The following HDGFL2 variants were observed in gnomAD, a reference collection of about 807,000 sequenced individuals.
HDGFL2 encodes hepatoma-derived growth factor-related protein 2.
Under a neutral mutation model 77.1 loss-of-function variants are expected in HDGFL2, and 36 were observed. That is an observed-to-expected ratio of 0.47 (90% CI 0.36 to 0.62). The LOEUF (loss-of-function observed/expected upper bound fraction) is 0.62. Among genes scored for constraint, HDGFL2 ranks in the 20% least tolerant of loss-of-function variants. The pLI is 0.00. For synonymous variants in HDGFL2, 463 were observed against 413.1 expected (o/e 1.12, Z -1.46); for missense variants, 976 against 973.4 (o/e 1.00, Z -0.04).
intron 12 of HDGFL2, 81 bp from the exon 13 acceptor site, chr19:4,498,733 C>T (rs918799113): frequency 5.0e-4 from 452 of 901,184 alleles, no homozygotes; most frequent in East Asian, 9.2e-4. Context: ...CCCAGGATGT[C>T]TTCCTCCACC....
intron 9 of HDGFL2, among the ~76,000 whole-genome samples, chr19:4,495,861 A>G (rs1382274476): frequency 6.6e-6 from 1 of 152,012 alleles, no homozygotes; most frequent in Admixed American, 6.5e-5. Context: ...CCTTGTGGAG[A>G]TTCAGGCAAT....
intron 3 of HDGFL2, 129 bp from the exon 4 acceptor site, chr19:4,488,546 TA>T: frequency 2.4e-6 from 2 of 830,546 alleles, no homozygotes; most frequent in Non-Finnish European, 3.7e-6. Context: ...TCCCCATTTG[TA>T]AAGCCAGGAG....
Position 4,480,969 on chromosome 19 carries a change from G to A in HDGFL2, c.288+5386G>A, listed in dbSNP as rs1975197811. Among the ~76,000 whole-genome samples the A allele has an allele frequency of 2.0e-5, 3 of 150,158 alleles. No homozygotes were observed. In the South Asian group the frequency reaches 6.3e-4, roughly 31 times the overall value. ...CCTCCCGGGTTCAAGCTATTCTCCTGCTTTGGCCTCCCTAGTAGGTGGGAT... is the reference window on the plus strand; with the variant it reads ...CCTCCCGGGTTCAAGCTATTCTCCTACTTTGGCCTCCCTAGTAGGTGGGAT... On this transcript the variant is annotated intron_variant, in intron 3 of 15. Coordinates refer to ENST00000616600, the MANE Select transcript of HDGFL2 (RefSeq NM_001001520.3).
intron 3 of HDGFL2, among the ~76,000 whole-genome samples, chr19:4,479,367 A>AGG (rs1277156324): frequency 6.6e-6 from 1 of 150,862 alleles, no homozygotes; most frequent in Non-Finnish European, 1.5e-5. Context: ...GCAGATCACA[A>AGG]GGTCAGGTGA....
Position 4,501,908 on chromosome 19 carries a change from C to A in HDGFL2, c.1917-3C>A. The A allele has an allele frequency of 6.9e-7, 1 of 1,451,500 alleles. No homozygotes were observed. Among genetic ancestry groups the A allele is most frequent in the South Asian group, 1.5e-5 (1 of 68,476 alleles). 89.9% of individuals were successfully genotyped at this position (1,451,500 alleles called of 1,614,324 possible). A position where few individuals can be genotyped will look rare whatever the true frequency, so the allele number is the denominator to read the frequency against. ...CTCACACCGCCTTTGCTGTTCCCAC[C>A]AGCAGCGTACGGGAGGGTCCCGACC... On this transcript the variant is annotated splice_polypyrimidine_tract_variant and splice_region_variant and intron_variant, in intron 15 of 15. Coordinates refer to ENST00000616600, the MANE Select transcript of HDGFL2 (RefSeq NM_001001520.3).
chr19:4,472,545 T>A, intron 1 of HDGFL2, 123 bp downstream of exon 1: 1 of 376,036 alleles, frequency 2.7e-6, no homozygotes, highest in Non-Finnish European at 4.0e-6. Context: ...GCCCCGGGGG[T>A]CTGGGGTTCA....
In HDGFL2 at chr19:4,501,943, C is replaced by T; in HGVS notation, c.1949C>T (p.Pro650Leu). The T allele has an allele frequency of 8.7e-6, 13 of 1,498,508 alleles. No individual in the cohort carries two copies. The highest frequency in any genetic ancestry group is 5.7e-5 in the African/African-American group (4 of 70,332). 92.8% of individuals were successfully genotyped at this position (1,498,508 alleles called of 1,614,324 possible). A position where few individuals can be genotyped will look rare whatever the true frequency, so the allele number is the denominator to read the frequency against. Reference protein sequence around the residue: ...SVREGPDLDRPGSDRQERERA... With the variant: ...SVREGPDLDRLGSDRQERERA... The stretch of plus-strand genomic sequence containing the variant: ...CGGGAGGGTCCCGACCTGGACAGGC[C>T]TGGGAGCGACCGGCAGGAGCGCGAG... The change falls in exon 16 of 16, where the codon CCT (proline) becomes CTT (leucine). Residue 650 changes from proline to leucine, a missense_variant. Pro to Leu is a moderately conservative substitution (Grantham distance 98, BLOSUM62 -3). Coordinates refer to ENST00000616600, the MANE Select transcript of HDGFL2 (RefSeq NM_001001520.3).
intron 6 of HDGFL2, among the ~76,000 whole-genome samples, chr19:4,493,268 GGT>G (rs1230301857): frequency 6.9e-6 from 1 of 145,574 alleles, no homozygotes; most frequent in Non-Finnish European, 1.5e-5. Flanking sequence ...GTGTGTGTGT[GGT>G]GTGTGTGTTG....
rs759388769 is a variant in HDGFL2 at position 4,499,676 on chromosome 19, G to A, written c.1761G>A (p.Gln587=). ...AGCTGGCCGGGGAGGAGGCCCCCCAGGAGAAGGCGGAGGACAAGCCCAGCA... is the reference window on the plus strand; with the variant it reads ...AGCTGGCCGGGGAGGAGGCCCCCCAAGAGAAGGCGGAGGACAAGCCCAGCA... ...GEELAGEEAP[Q]EKAEDKPSTD... is the part of the protein sequence containing the mutation. Residue 587 remains glutamine, a synonymous_variant, in exon 14 of 16, where the codon CAG becomes CAA. Transcript: ENST00000616600. 1 of 1,573,688 alleles carries A rather than the reference G, an allele frequency of 6.4e-7. No homozygotes were observed. The highest frequency in any genetic ancestry group is 1.3e-5 in the African/African-American group (1 of 74,400).
At chr19:4,473,584 G>A (rs1974998708) in intron 1 of HDGFL2, among the ~76,000 whole-genome samples, 1 of 151,670 alleles carries the variant, frequency 6.6e-6, no homozygotes, top group African/African-American at 2.4e-5. Context: ...TTGAGGGGCT[G>A]GGGGGCCGAG....
chr19:4,478,212 T>C (rs1204290002), intron 3 of HDGFL2, among the ~76,000 whole-genome samples: 1 of 145,064 alleles, frequency 6.9e-6, no homozygotes, highest in Non-Finnish European at 1.5e-5. Context: ...TTTTTTTTTG[T>C]TTTTTGTTTT....
chr19:4,476,440 G>A (rs919235627), intron 3 of HDGFL2, among the ~76,000 whole-genome samples: 2 of 151,860 alleles, frequency 1.3e-5, no homozygotes, highest in South Asian at 2.1e-4. Flanking sequence ...TGATCCACCC[G>A]CCTCGGCCTC....
chr19:4,484,764 T>C (rs1975318193), intron 3 of HDGFL2, among the ~76,000 whole-genome samples: 1 of 139,142 alleles, frequency 7.2e-6, no homozygotes, highest in African/African-American at 2.7e-5. Flanking sequence ...CTCCGCCTCC[T>C]GGGTTCACGC....
At position 4,488,263 on chromosome 19, in the gene HDGFL2, G is replaced by A. The variant is rs564263911; in HGVS notation, c.289-413G>A. Among the ~76,000 whole-genome samples, 7 of 152,314 alleles carry A rather than the reference G, an allele frequency of 4.6e-5. No homozygotes were observed. The East Asian group carries it at 5.8e-4, about 13-fold the overall frequency. On this transcript the variant is annotated intron_variant, in intron 3 of 15. Transcript: ENST00000616600. ...TGGGATTATAGGCGTGAGCCTCCGC[G>A]CCCGGCCAGGGCAGCCATTTCTGGA...
In HDGFL2 at chr19:4,492,773, C is replaced by T. The variant is rs1239130353; in HGVS notation, c.679-930C>T. ...GTTTGTGTGTCTGGTGTGTCTGTGT[C>T]TATGGTGTGTCTGGTGTGTGTTTCT... is the stretch of plus-strand genomic sequence containing the variant. On this transcript the variant is annotated intron_variant, in intron 6 of 15. Transcript: ENST00000616600. Among the ~76,000 whole-genome samples the T allele has an allele frequency of 2.7e-5, 3 of 109,824 alleles. 1 individual carries two copies. The East Asian group carries it at 7.3e-4, about 27-fold the overall frequency. The allele number at this position is 109,824 out of a possible 152,430, so 72.0% of individuals were successfully genotyped here.
In HDGFL2 at chr19:4,499,471, C is replaced by T; in HGVS notation, c.1576-20C>T. The T allele has an allele frequency of 6.2e-7, 1 of 1,608,466 alleles. No individual in the cohort carries two copies. The highest frequency in any genetic ancestry group is 8.5e-7 in the Non-Finnish European group (1 of 1,177,114). On this transcript the variant is annotated intron_variant, in intron 13 of 15. Coordinates refer to ENST00000616600, the MANE Select transcript of HDGFL2 (RefSeq NM_001001520.3). ...GGCCGCTGCACTTGGGTGAGCCAGGCCTCTTCTCTTGGTGGCCAGATTCGC... is the reference window on the plus strand; with the variant it reads ...GGCCGCTGCACTTGGGTGAGCCAGGTCTCTTCTCTTGGTGGCCAGATTCGC...
At chr19:4,501,718 G>A in intron 15 of HDGFL2, 193 bp from the exon 16 acceptor site, 1 of 527,536 alleles carries the variant, frequency 1.9e-6, no homozygotes. Context: ...GCTATGCCTG[G>A]CTGGCGCCAG....
chr19:4,486,108 T>TA (rs907707675), intron 3 of HDGFL2, among the ~76,000 whole-genome samples: 16 of 150,688 alleles, frequency 1.1e-4, no homozygotes, highest in African/African-American at 3.2e-4. Context: ...TCTGTCTTCT[T>TA]AAAAAAAAGC....
chr19:4,486,972 C>CTT (rs374433934), intron 3 of HDGFL2, among the ~76,000 whole-genome samples: 2 of 148,080 alleles, frequency 1.4e-5, no homozygotes, highest in African/African-American at 2.5e-5. Flanking sequence ...CTCTCTCTCT[C>CTT]TTTTTTTTTT....
Sources: gnomAD v4.1 joint callset for allele counts (sites outside exome capture counted in the v4.1 genomes callset) on GRCh38, gnomAD v4.1.1 for gene constraint, MANE v1.5 for transcripts, NCBI Gene and HGNC (gene_info 2026-07-23, HGNC 2026-07-21) for gene names.